Variants in NBAS observed in about 807,000 individuals in gnomAD.
The protein encoded by NBAS is NAG/BC035112 fusion.
NBAS carries 219 observed loss-of-function variants against 302.5 expected under a neutral mutation model. The ratio of observed to expected loss-of-function variants is 0.72; its 90% CI spans 0.65 to 0.81. The LOEUF is 0.81. Ranked by LOEUF, NBAS falls within the 30% of genes least tolerant of loss-of-function variation. The probability of loss-of-function intolerance (pLI) is 0.00; values close to 1 mark genes in which losing one functional copy is unlikely to be tolerated. For missense variants in NBAS, 2,932 were observed against 2,841.6 expected (o/e 1.03, Z -0.72); for synonymous variants, 1,118 against 1,021.6 (o/e 1.09, Z -1.80).
chr2:15,437,336 A>C (rs1678076798), intron 21 of NBAS, among the ~76,000 whole-genome samples: 1 of 152,182 alleles, frequency 6.6e-6, no homozygotes, highest in South Asian at 2.1e-4. Flanking sequence ...AGAGAGAGAG[A>C]GAGGTGGAAA....
At chr2:15,366,166 T>G (rs1211299436) in intron 32 of NBAS, among the ~76,000 whole-genome samples, 3 of 152,182 alleles carry the variant, frequency 2.0e-5, no homozygotes, top group African/African-American at 7.2e-5. Flanking sequence ...AAAACCAAAT[T>G]TAGACACTGA....
At chr2:15,114,573 T>C in the NBAS span, among the ~76,000 whole-genome samples, 8 of 152,266 alleles carry the variant, frequency 5.3e-5, no homozygotes, top group African/African-American at 1.7e-4. Context: ...TATAAGAGAC[T>C]TGAAAATATA....
chr2:15,429,437 T>C (rs578016213), intron 21 of NBAS, among the ~76,000 whole-genome samples: 11 of 152,224 alleles, frequency 7.2e-5, no homozygotes, highest in Non-Finnish European at 1.6e-4. Flanking sequence ...TATTAGGTTA[T>C]ACAACACACT....
chr2:15,070,721 C>G, the NBAS span, among the ~76,000 whole-genome samples: 1 of 152,152 alleles, frequency 6.6e-6, no homozygotes, highest in African/African-American at 2.4e-5. Context: ...CTCAGGACCC[C>G]ACACAACCAT....
the NBAS span, among the ~76,000 whole-genome samples, chr2:14,796,664 C>A: frequency 1.3e-3 from 192 of 151,956 alleles, no homozygotes; most frequent in Non-Finnish European, 2.1e-3. Flanking sequence ...GACCTCCAAG[C>A]CAAAAACAGC....
At chr2:15,226,833 T>TA (rs1667169791) in intron 47 of NBAS, among the ~76,000 whole-genome samples, 1 of 152,204 alleles carries the variant, frequency 6.6e-6, no homozygotes, top group Non-Finnish European at 1.5e-5. Context: ...ATTTTCTACA[T>TA]AGATGATCAT....
intron 51 of NBAS, 93 bp downstream of exon 51, chr2:15,178,895 C>T: frequency 1.3e-6 from 2 of 1,559,184 alleles, no homozygotes; most frequent in Non-Finnish European, 1.8e-6. Context: ...CTTCAATTAA[C>T]CACGGTGTTA....
chr2:14,965,555 T>C, the NBAS span, among the ~76,000 whole-genome samples: 1 of 152,196 alleles, frequency 6.6e-6, no homozygotes, highest in African/African-American at 2.4e-5. Flanking sequence ...AGAGAGAACT[T>C]CATAGCCAAA....
chr2:15,194,616 C>T (rs1330012206), intron 48 of NBAS, among the ~76,000 whole-genome samples: 2 of 152,002 alleles, frequency 1.3e-5, no homozygotes, highest in Non-Finnish European at 2.9e-5. Flanking sequence ...GAAGGAAGAA[C>T]AAAAAGAGCA....
At chr2:15,384,791 G>T (rs1675208802) in intron 28 of NBAS, among the ~76,000 whole-genome samples, 1 of 152,160 alleles carries the variant, frequency 6.6e-6, no homozygotes, top group East Asian at 1.9e-4. Context: ...AGAAGAGCAG[G>T]TTTTTGTTTT....
At chr2:15,085,391 G>A in the NBAS span, among the ~76,000 whole-genome samples, 2 of 152,082 alleles carry the variant, frequency 1.3e-5, no homozygotes, top group African/African-American at 4.8e-5. Context: ...GGAAGTGACC[G>A]CCGAGCCTGA....
At chr2:15,329,372 TCCCATCCCCAAACCAA>T (rs914411963) in intron 36 of NBAS, among the ~76,000 whole-genome samples, 1 of 152,084 alleles carries the variant, frequency 6.6e-6, no homozygotes, top group African/African-American at 2.4e-5. Context: ...AAAAAATATA[TCCCATCCCCAAACCAA>T]CCTCTTCCCA....
chr2:15,004,875 A>C, the NBAS span, among the ~76,000 whole-genome samples: 1 of 151,990 alleles, frequency 6.6e-6, no homozygotes, highest in Non-Finnish European at 1.5e-5. Context: ...GATATCATAC[A>C]TTGTATTCTA....
chr2:15,496,557 A>G (rs1035598532), intron 11 of NBAS, among the ~76,000 whole-genome samples: 6 of 152,128 alleles, frequency 3.9e-5, no homozygotes, highest in Non-Finnish European at 8.8e-5. Context: ...CATCTGTATT[A>G]TATTTCACAA....
chr2:14,910,778 C>T, the NBAS span, among the ~76,000 whole-genome samples: 9 of 152,302 alleles, frequency 5.9e-5, no homozygotes, highest in Admixed American at 2.0e-4. Flanking sequence ...ATTTATGGCT[C>T]TACAGCCAAT....
At chr2:14,861,770 A>G in the NBAS span, among the ~76,000 whole-genome samples, 2 of 143,230 alleles carry the variant, frequency 1.4e-5, no homozygotes, top group Non-Finnish European at 3.0e-5. Flanking sequence ...TACTTTCACA[A>G]TATCAGCGTC....
the NBAS span, among the ~76,000 whole-genome samples, chr2:15,036,799 C>T: frequency 3.2e-4 from 49 of 152,150 alleles, no homozygotes; most frequent in African/African-American, 1.1e-3. Context: ...CTTGCAAATG[C>T]AGACCTTGAC....
the NBAS span, among the ~76,000 whole-genome samples, chr2:15,090,587 T>A: frequency 6.6e-6 from 1 of 152,108 alleles, no homozygotes. Flanking sequence ...AATAGAAAAG[T>A]AATTAAAACA....
chr2:14,848,627 C>A, the NBAS span, among the ~76,000 whole-genome samples: 1 of 139,816 alleles, frequency 7.2e-6, no homozygotes, highest in South Asian at 2.1e-4. Context: ...GGGGGCAGGG[C>A]ACAGACAAAC....
Sources: allele counts gnomAD v4.1 joint callset (sites outside exome capture counted in the v4.1 genomes callset), GRCh38; gene constraint gnomAD v4.1.1; transcripts MANE v1.5; gene names NCBI Gene and HGNC (gene_info 2026-07-23, HGNC 2026-07-21).